TLL1: variants seen among roughly 807,000 people sequenced by gnomAD.
The protein encoded by TLL1 is tolloid like 1, also known as tolloid-like protein 1.
A neutral mutation model predicts 128.2 loss-of-function variants in TLL1; 49 were observed. That is an observed-to-expected ratio of 0.38 (90% confidence interval 0.30 to 0.48). TLL1 has a LOEUF of 0.48. Among genes scored for constraint, TLL1 ranks in the 20% least tolerant of loss-of-function variants. The pLI, the probability that TLL1 is intolerant of heterozygous loss-of-function variation, is 0.96. For synonymous variants in TLL1, 454 were observed against 418.8 expected (o/e 1.08, Z -1.03); for missense variants, 1,123 against 1,242.0 (o/e 0.90, Z 1.44).
chr4:166,096,118 C>T (rs1742006131), intron 19 of TLL1, among the ~76,000 whole-genome samples: 1 of 151,984 alleles, frequency 6.6e-6, no homozygotes, highest in South Asian at 2.1e-4. Flanking sequence ...ACAGTAATTA[C>T]AGTTTAATAA....
At position 166,099,440 on chromosome 4, in the gene TLL1, A is replaced by G. The variant is rs2111168042; in HGVS notation, c.2820A>G (p.Glu940=). 1.9e-6 allele frequency: 3 copies of G among 1,613,544 alleles called. No individual in the cohort carries two copies. The highest frequency in any genetic ancestry group is 2.5e-6 in the Non-Finnish European group (3 of 1,179,658). The part of the protein sequence containing the change: ...ELSFQTFEVE[E]EADCGYDYVE... ...CCTTCCAGACATTTGAAGTGGAGGA[A>G]GAAGCAGACTGTGGCTATGACTATG... Residue 940 remains glutamate (E), a synonymous_variant, in exon 20 of 21, where the codon GAA becomes GAG. Transcript: ENST00000061240.
chr4:166,095,657 G>A (rs1741983867), intron 19 of TLL1, among the ~76,000 whole-genome samples: 1 of 151,958 alleles, frequency 6.6e-6, no homozygotes, highest in Non-Finnish European at 1.5e-5. Flanking sequence ...GCATTTATAG[G>A]TCAAATTACA....
chr4:166,065,633 A>G, intron 15 of TLL1, 50 bp from the exon 16 acceptor site: 3 of 1,563,484 alleles, frequency 1.9e-6, no homozygotes, highest in Non-Finnish European at 2.6e-6. Flanking sequence ...ATAAATGTCA[A>G]TCATCTTGTA....
chr4:166,086,428 C>G (rs1381303233), intron 18 of TLL1, among the ~76,000 whole-genome samples: 1 of 151,936 alleles, frequency 6.6e-6, no homozygotes, highest in Non-Finnish European at 1.5e-5. Flanking sequence ...TTGCTGGTAA[C>G]TTTTCTGTTG....
At chr4:166,095,526 C>G (rs1258872180) in intron 19 of TLL1, among the ~76,000 whole-genome samples, 2 of 151,952 alleles carry the variant, frequency 1.3e-5, no homozygotes, top group African/African-American at 4.8e-5. Flanking sequence ...CTTGGGACTT[C>G]TTTTCTGTAA....
chr4:166,002,317 A>G (rs992246484), intron 5 of TLL1, among the ~76,000 whole-genome samples: 3 of 152,154 alleles, frequency 2.0e-5, no homozygotes, highest in Admixed American at 6.5e-5. Context: ...AAATACTATC[A>G]CCATGAAGAT....
chr4:166,002,537 T>C (rs1328230214), intron 5 of TLL1, among the ~76,000 whole-genome samples: 1 of 152,140 alleles, frequency 6.6e-6, no homozygotes, highest in Non-Finnish European at 1.5e-5. Flanking sequence ...CTCAAACTCC[T>C]GGGCTCAAGT....
intron 12 of TLL1, among the ~76,000 whole-genome samples, chr4:166,044,125 G>C (rs375146392): frequency 3.3e-5 from 5 of 152,132 alleles, no homozygotes; most frequent in Non-Finnish European, 7.4e-5. Context: ...AGTTGGTCTA[G>C]TAATTGAGAG....
At chr4:165,930,457 TATACTGC>T (rs1263036830) in intron 1 of TLL1, among the ~76,000 whole-genome samples, 3 of 152,182 alleles carry the variant, frequency 2.0e-5, no homozygotes, top group African/African-American at 7.2e-5. Context: ...TGAATAATCA[TATACTGC>T]ATGTTTTAGA....
At chr4:165,939,779 G>A (rs564201346) in intron 1 of TLL1, among the ~76,000 whole-genome samples, 1 of 152,030 alleles carries the variant, frequency 6.6e-6, no homozygotes, top group African/African-American at 2.4e-5. Context: ...TATTGCTTAA[G>A]GGAAGTTTTT....
intron 7 of TLL1, among the ~76,000 whole-genome samples, chr4:166,008,480 CTGTG>C (rs1294955062): frequency 6.6e-6 from 1 of 151,508 alleles, no homozygotes; most frequent in African/African-American, 2.4e-5. Context: ...GTGCTTTATA[CTGTG>C]TATTTTCTAC....
intron 16 of TLL1, 56 bp from the exon 17 acceptor site, chr4:166,074,822 G>T (rs1484470459): frequency 3.1e-6 from 5 of 1,604,590 alleles, no homozygotes; most frequent in Non-Finnish European, 4.3e-6. Flanking sequence ...GACTCCCTTT[G>T]ATATCCTCTG....
chr4:165,909,198 AAAAAG>A (rs1404543960), intron 1 of TLL1, among the ~76,000 whole-genome samples: 1 of 152,186 alleles, frequency 6.6e-6, no homozygotes, highest in African/African-American at 2.4e-5. Context: ...AAAAAAAAGA[AAAAAG>A]AAAAGAACGG....
At chr4:165,922,298 T>C (rs1050990809) in intron 1 of TLL1, among the ~76,000 whole-genome samples, 3 of 152,226 alleles carry the variant, frequency 2.0e-5, no homozygotes, top group African/African-American at 7.2e-5. Flanking sequence ...CTTGCTATGA[T>C]TCTTTGTTAT....
chr4:166,018,827 G>A (rs924591054), intron 8 of TLL1, among the ~76,000 whole-genome samples: 4 of 152,154 alleles, frequency 2.6e-5, no homozygotes, highest in Non-Finnish European at 5.9e-5. Flanking sequence ...AGGCTGTAGA[G>A]TAAAGGGAAC....
At chr4:165,980,133 C>G (rs79281157) in intron 1 of TLL1, among the ~76,000 whole-genome samples, 1 of 152,038 alleles carries the variant, frequency 6.6e-6, no homozygotes, top group Non-Finnish European at 1.5e-5. Flanking sequence ...AGCACTCTTC[C>G]GAGCATGGTT....
chr4:165,931,561 C>CA lies in TLL1; in HGVS notation c.169+57496dup, dbSNP rs368421654. Among the ~76,000 whole-genome samples, 1,225 of 151,148 alleles carry CA rather than the reference C, an allele frequency of 8.1e-3. 11 individuals carry two copies. Among genetic ancestry groups the CA allele is most frequent in the African/African-American group, 0.024 (979 of 41,238 alleles). On this transcript the variant is annotated intron_variant, in intron 1 of 20. Coordinates refer to ENST00000061240, the MANE Select transcript of TLL1 (RefSeq NM_012464.5). The stretch of plus-strand genomic sequence containing the variant: ...TGAAACCCCGTCTCTACTAAAAATA[C>CA]AAAAAAAATTAGCCGGGTGTGGTGG...
At chr4:165,911,247 A>T (rs1275045907) in intron 1 of TLL1, among the ~76,000 whole-genome samples, 2 of 152,032 alleles carry the variant, frequency 1.3e-5, no homozygotes, top group African/African-American at 4.8e-5. Flanking sequence ...CCTCCATAAG[A>T]TCAACTTTTT....
At chr4:165,916,189 T>C (rs1274357854) in intron 1 of TLL1, among the ~76,000 whole-genome samples, 1 of 152,198 alleles carries the variant, frequency 6.6e-6, no homozygotes, top group East Asian at 1.9e-4. Flanking sequence ...ACCCCAGAGA[T>C]AGGGTAGAGG....
Sources: allele counts gnomAD v4.1 joint callset (sites outside exome capture counted in the v4.1 genomes callset), GRCh38; gene constraint gnomAD v4.1.1; transcripts MANE v1.5; gene names NCBI Gene and HGNC (gene_info 2026-07-23, HGNC 2026-07-21).